The following GAK variants were observed in gnomAD, a reference collection of about 807,000 sequenced individuals.
GAK encodes cyclin-G-associated kinase.
A neutral mutation model predicts 143.9 loss-of-function variants in GAK; 79 were observed. The observed-to-expected ratio is 0.55, with a 90% CI of 0.46 to 0.66. The LOEUF (loss-of-function observed/expected upper bound fraction) is 0.66. GAK is among the 30% of genes least tolerant of loss of function. GAK has a pLI of 0.00. For synonymous variants in GAK, 881 were observed against 765.5 expected (o/e 1.15, Z -2.49); for missense variants, 1,693 against 1,779.7 (o/e 0.95, Z 0.88).
chr4:851,064 C>A lies in GAK; in HGVS notation c.3529G>T (p.Glu1177Ter). ...GACAACAGATCTTCAAAGTCGTTCT[C>A]AGAGACTTTTGGCTTTTGAGCTAGA... ...PSFAQKPKVS[E>*]NDFEDLLSNQ... Residue 1177 changes from glutamate to a stop codon, truncating the protein, a stop_gained, in exon 26 of 28, where the codon GAG becomes TAG. Coordinates refer to ENST00000314167, the MANE Select transcript of GAK (RefSeq NM_005255.4). LOFTEE classifies it high-confidence loss of function. The A allele has an allele frequency of 6.2e-7, 1 of 1,613,786 alleles. No individual in the cohort carries two copies. Among genetic ancestry groups the A allele is most frequent in the South Asian group, 1.1e-5 (1 of 91,048 alleles).
At chr4:900,324 G>A (rs918462425) in intron 5 of GAK, among the ~76,000 whole-genome samples, 4 of 152,242 alleles carry the variant, frequency 2.6e-5, no homozygotes, top group African/African-American at 7.2e-5. Context: ...GCAAACAGCC[G>A]TCCAGACTCC....
At chr4:902,206 C>G (rs1431408758) in intron 5 of GAK, among the ~76,000 whole-genome samples, 2 of 150,818 alleles carry the variant, frequency 1.3e-5, no homozygotes, top group African/African-American at 4.9e-5. Context: ...CACTGCACTC[C>G]AGCCTGGGCA....
chr4:893,794 A>G, intron 8 of GAK, 80 bp downstream of exon 8: 1 of 1,466,992 alleles, frequency 6.8e-7, no homozygotes, highest in Non-Finnish European at 9.1e-7. Flanking sequence ...GCAGTGCCCC[A>G]AGGGGAGCGG....
At chr4:860,740 G>A (rs554425555) in intron 23 of GAK, among the ~76,000 whole-genome samples, 6 of 148,188 alleles carry the variant, frequency 4.0e-5, no homozygotes, top group African/African-American at 1.3e-4. Context: ...GGCGCACCTC[G>A]CACTGTGCAC....
chr4:857,467 T>C (rs965118959), intron 24 of GAK, among the ~76,000 whole-genome samples: 7 of 152,198 alleles, frequency 4.6e-5, no homozygotes, highest in African/African-American at 1.7e-4. Flanking sequence ...AGTTTTTAAT[T>C]ATGAATTTAT....
In GAK at chr4:849,770, G is replaced by A. The variant is rs200132895; in HGVS notation, c.3839C>T (p.Ala1280Val). Residue 1280 changes from alanine to valine, a missense_variant, in exon 28 of 28, where the codon GCG (alanine) becomes GTG (valine). Around this residue, in one of 2 missense-constraint regions of GAK, gnomAD observed 822 missense variants for 788.7 expected, o/e 1.04. Transcript: ENST00000314167. ...GGCGTGCTGCTCGTACGGCTGCCCC[G>A]CAGCCTATGGGTGACAGGCGGTGTA... ...AVLAVHPDKAAGQPYEQHAKM... is the reference protein window; with the variant it reads ...AVLAVHPDKAVGQPYEQHAKM... 2.4e-4 allele frequency: 394 copies of A among 1,612,040 alleles called. 2 individuals are homozygous for A. Among genetic ancestry groups the A allele is most frequent in the South Asian group, 1.7e-3 (151 of 90,932 alleles).
chr4:926,379 T>C (rs1724745107), intron 1 of GAK, among the ~76,000 whole-genome samples: 1 of 152,150 alleles, frequency 6.6e-6, no homozygotes, highest in Non-Finnish European at 1.5e-5. Context: ...CAGGGCACAA[T>C]GCGCAGAGCA....
intron 1 of GAK, among the ~76,000 whole-genome samples, chr4:916,192 A>G (rs1336836403): frequency 6.6e-6 from 1 of 152,252 alleles, no homozygotes; most frequent in Admixed American, 6.5e-5. Context: ...AATCACTACT[A>G]AGTTTTGCAA....
intron 1 of GAK, among the ~76,000 whole-genome samples, chr4:921,486 C>T (rs1723920971): frequency 6.6e-6 from 1 of 152,198 alleles, no homozygotes; most frequent in Admixed American, 6.5e-5. Flanking sequence ...ATGCCAGCCA[C>T]ATACAGTAAT....
At chr4:925,743 G>A (rs1018213205) in intron 1 of GAK, among the ~76,000 whole-genome samples, 1 of 152,214 alleles carries the variant, frequency 6.6e-6, no homozygotes. Flanking sequence ...CAGCGAGAAG[G>A]TGCTGGACCT....
At chr4:867,530 TTGGTGAA>T in intron 20 of GAK, 98 bp from the exon 21 acceptor site, 3 of 537,420 alleles carry the variant, frequency 5.6e-6, no homozygotes, top group Non-Finnish European at 9.5e-6. Flanking sequence ...GCCCAGGGCC[TTGGTGAA>T]CACACGTGGC....
chr4:881,910 T>C lies in GAK; in HGVS notation c.1658A>G (p.Lys553Arg). Reference sequence around the variant, plus strand: ...TCCCCGGAGGGCCACGCAGTACCTTTTGTGGGATGGCCAGATGCCTGGTGG... The same window carrying C: ...TCCCCGGAGGGCCACGCAGTACCTTCTGTGGGATGGCCAGATGCCTGGTGG... ...RCPPGIWPSHKRYIEYMCDMV... is the reference protein window; with the variant it reads ...RCPPGIWPSHRRYIEYMCDMV... The change falls in exon 15 of 28, where the codon AAA becomes AGA. Residue 553 changes from lysine to arginine, a missense_variant. Physicochemically the swap from Lys to Arg is conservative, Grantham distance 26. Around this residue, in one of 2 missense-constraint regions of GAK, gnomAD observed 871 missense variants for 991.0 expected, o/e 0.88. Transcript: ENST00000314167. 6.3e-7 allele frequency: 1 copy of C among 1,586,816 alleles called. No homozygotes were observed. The highest frequency in any genetic ancestry group is 8.6e-7 in the Non-Finnish European group (1 of 1,166,138).
intron 18 of GAK, among the ~76,000 whole-genome samples, chr4:873,008 C>T (rs1462138311): frequency 2.0e-5 from 3 of 152,148 alleles, no homozygotes; most frequent in African/African-American, 7.2e-5. Context: ...GAACACGCCT[C>T]TCGCCCAGGC....
At position 877,632 on chromosome 4, in the gene GAK, C is replaced by A; in HGVS notation, c.1839G>T (p.Gln613His). 6.3e-7 allele frequency: 1 copy of A among 1,595,526 alleles called. No individual in the cohort carries two copies. Reference sequence around the variant, plus strand: ...GCACTCACCGCATCTTGTCGTACTCCTGGGAGGTGCTGGCCACACGCTCGT... The same window carrying A: ...GCACTCACCGCATCTTGTCGTACTCATGGGAGGTGCTGGCCACACGCTCGT... Reference protein sequence around the residue: ...VGDERVASTSQEYDKMRDFKI... With the variant: ...VGDERVASTSHEYDKMRDFKI... Residue 613 changes from glutamine (Q) to histidine (H), a missense_variant, in exon 16 of 28, where the codon CAG (glutamine) becomes CAT (histidine). Physicochemically the swap from Gln to His is conservative, Grantham distance 24. This residue lies in a region of GAK where 871 missense variants were observed against 991.0 expected (regional missense o/e 0.88). Transcript: ENST00000314167.
At chr4:869,031 C>A (rs1162780884) in intron 19 of GAK, 1 of 285,280 alleles carries the variant, frequency 3.5e-6, no homozygotes. Flanking sequence ...AGCACACACA[C>A]AGGCGCACAG....
At chr4:889,233 A>G (rs191265938) in intron 10 of GAK, among the ~76,000 whole-genome samples, 1 of 152,298 alleles carries the variant, frequency 6.6e-6, no homozygotes, top group East Asian at 1.9e-4. Flanking sequence ...GCCTTTCCAG[A>G]GACCCAGGAA....
intron 7 of GAK, among the ~76,000 whole-genome samples, chr4:896,251 CAG>C (rs1254061532): frequency 6.6e-6 from 1 of 152,082 alleles, no homozygotes; most frequent in Non-Finnish European, 1.5e-5. Context: ...GCCTGGGTGA[CAG>C]AGGAAGACCC....
At chr4:896,628 C>T in intron 6 of GAK, 79 bp from the exon 7 acceptor site, 1 of 1,110,844 alleles carries the variant, frequency 9.0e-7, no homozygotes, top group Non-Finnish European at 1.4e-6. Context: ...TTCCGTGCAG[C>T]TTTCCAAATG....
At chr4:852,151 C>A in intron 24 of GAK, 177 bp from the exon 25 acceptor site, 2 of 647,948 alleles carry the variant, frequency 3.1e-6, no homozygotes, top group South Asian at 3.6e-5. Context: ...TCTCCAGGGG[C>A]TGGAGCACAG....
Sources: gnomAD v4.1 joint callset for allele counts (sites outside exome capture counted in the v4.1 genomes callset) on GRCh38, gnomAD v4.1.1 for gene constraint, gnomAD v4.1.1 regional missense constraint, MANE v1.5 for transcripts, NCBI Gene and HGNC (gene_info 2026-07-23, HGNC 2026-07-21) for gene names.